Variants in PRKCE observed in about 807,000 individuals in gnomAD.
The protein encoded by PRKCE is protein kinase C epsilon type.
In PRKCE, 16 loss-of-function variants were observed where a neutral mutation model predicts 85.4. The observed-to-expected ratio is 0.19, with a 90% CI of 0.13 to 0.28. The LOEUF is 0.28. Among genes scored for constraint, PRKCE ranks in the 10% least tolerant of loss-of-function variants. The pLI is 1.00. For synonymous variants in PRKCE, 388 were observed against 371.5 expected (o/e 1.04, Z -0.51); for missense variants, 573 against 975.2 (o/e 0.59, Z 5.49).
At chr2:45,677,457 C>A (rs995155827) in intron 1 of PRKCE, among the ~76,000 whole-genome samples, 21 of 151,916 alleles carry the variant, frequency 1.4e-4, no homozygotes, top group Admixed American at 1.3e-3. Context: ...CCCGGGTTCC[C>A]GCCATTCTCC....
At chr2:45,699,888 G>A (rs969851775) in intron 1 of PRKCE, among the ~76,000 whole-genome samples, 1 of 152,096 alleles carries the variant, frequency 6.6e-6, no homozygotes, top group Non-Finnish European at 1.5e-5. Context: ...TGGAGAAATG[G>A]GTGCTCGTTT....
At chr2:45,843,734 A>G (rs1691552115) in intron 2 of PRKCE, among the ~76,000 whole-genome samples, 1 of 152,214 alleles carries the variant, frequency 6.6e-6, no homozygotes, top group Non-Finnish European at 1.5e-5. Flanking sequence ...ACCTTATCCA[A>G]ACAGGAACAA....
chr2:46,019,084 C>G (rs1706416516), intron 10 of PRKCE, among the ~76,000 whole-genome samples: 1 of 152,222 alleles, frequency 6.6e-6, no homozygotes, highest in South Asian at 2.1e-4. Flanking sequence ...ATAATGCAAA[C>G]TAAGACTTAA....
At chr2:45,768,245 G>A (rs1244711472) in intron 1 of PRKCE, among the ~76,000 whole-genome samples, 1 of 152,204 alleles carries the variant, frequency 6.6e-6, no homozygotes, top group East Asian at 1.9e-4. Flanking sequence ...GCCTTGAAAA[G>A]CTGTTACAGT....
intron 1 of PRKCE, among the ~76,000 whole-genome samples, chr2:45,800,593 G>T (rs1023196677): frequency 2.6e-5 from 4 of 152,226 alleles, no homozygotes; most frequent in African/African-American, 9.6e-5. Flanking sequence ...GTAAGTTCTG[G>T]AGAGAAGGAC....
At chr2:46,183,832 A>G (rs1680228942) in intron 14 of PRKCE, among the ~76,000 whole-genome samples, 1 of 152,254 alleles carries the variant, frequency 6.6e-6, no homozygotes, top group African/African-American at 2.4e-5. Flanking sequence ...TGTTCTACAC[A>G]GGACTACTGA....
At position 45,978,756 on chromosome 2, in the gene PRKCE, A is replaced by G. The variant is rs939175804; in HGVS notation, c.573-220A>G. On this transcript the variant is annotated intron_variant, in intron 3 of 14. Transcript: ENST00000306156. Reference sequence around the variant, plus strand: ...TATAGGAAATCAAGCTCTGATGCTGACCAAACCTTGCACCTCCCCAAGCAC... The same window carrying G: ...TATAGGAAATCAAGCTCTGATGCTGGCCAAACCTTGCACCTCCCCAAGCAC... 5 of 529,568 alleles carry G rather than the reference A, an allele frequency of 9.4e-6. No homozygotes were observed. The South Asian group carries it at 1.1e-4, about 12-fold the overall frequency. 32.8% of individuals were successfully genotyped at this position (529,568 alleles called of 1,614,324 possible). A position where few individuals can be genotyped will look rare whatever the true frequency, so the allele number is the denominator to read the frequency against.
intron 1 of PRKCE, among the ~76,000 whole-genome samples, chr2:45,740,050 C>T (rs1328704648): frequency 6.6e-6 from 1 of 151,486 alleles, no homozygotes; most frequent in Admixed American, 6.6e-5. Context: ...GGCATGGTGG[C>T]TTGTGCCTAT....
chr2:45,890,421 C>T (rs935780800), intron 2 of PRKCE, among the ~76,000 whole-genome samples: 6 of 152,002 alleles, frequency 3.9e-5, no homozygotes, highest in African/African-American at 1.4e-4. Context: ...ACTCTGTCTC[C>T]CAGACTGGAT....
chr2:45,885,002 T>TATTTTTTTTTGTTG (rs1553440407), intron 2 of PRKCE, among the ~76,000 whole-genome samples: 2 of 97,642 alleles, frequency 2.0e-5, no homozygotes, highest in Non-Finnish European at 4.2e-5. Flanking sequence ...TATATATATA[T>TATTTTTTTTTGTTG]TTGTTGTTGT....
chr2:46,163,205 A>G (rs1005950214), intron 14 of PRKCE, among the ~76,000 whole-genome samples: 1 of 152,256 alleles, frequency 6.6e-6, no homozygotes, highest in East Asian at 1.9e-4. Flanking sequence ...GGCCACCCAC[A>G]GAGGCCACTG....
intron 2 of PRKCE, among the ~76,000 whole-genome samples, chr2:45,910,040 A>ACCCCCCCCCCCC (rs1373159323): frequency 7.5e-6 from 1 of 134,024 alleles, no homozygotes; most frequent in African/African-American, 2.7e-5. Flanking sequence ...CAGTAAACTC[A>ACCCCCCCCCCCC]CCGCCCCCCC....
chr2:46,067,265 G>T lies in PRKCE; in HGVS notation c.1438-18943G>T, dbSNP rs146584250. 8.0e-3 allele frequency among the ~76,000 whole-genome samples: 1,216 copies of T among 152,268 alleles called. 7 individuals are homozygous for T. The highest frequency in any genetic ancestry group is 8.3e-3 in the South Asian group (40 of 4,818). ...TTTGAACAAGTGCCAAATGAATGAC[G>T]TGCATTATATATACTGAGTCTTCAT... On this transcript the variant is annotated intron_variant, in intron 10 of 14. Transcript: ENST00000306156.
intron 2 of PRKCE, among the ~76,000 whole-genome samples, chr2:45,898,131 A>G (rs1696289606): frequency 6.6e-6 from 1 of 152,196 alleles, no homozygotes; most frequent in Admixed American, 6.5e-5. Context: ...AACAAAAAGC[A>G]AAGATGAAGC....
intron 10 of PRKCE, among the ~76,000 whole-genome samples, chr2:46,018,648 A>G (rs771619997): frequency 1.3e-5 from 2 of 152,262 alleles, no homozygotes; most frequent in Admixed American, 1.3e-4. Flanking sequence ...ACAAAAAAGA[A>G]AATAAGAACA....
At chr2:45,753,404 GAAACT>G (rs1422576977) in intron 1 of PRKCE, among the ~76,000 whole-genome samples, 3 of 152,206 alleles carry the variant, frequency 2.0e-5, no homozygotes, top group African/African-American at 7.2e-5. Flanking sequence ...GTACTAGACT[GAAACT>G]AAACTAAAAC....
chr2:46,116,125 T>C (rs576440387), intron 11 of PRKCE, among the ~76,000 whole-genome samples: 1 of 152,320 alleles, frequency 6.6e-6, no homozygotes, highest in Admixed American at 6.5e-5. Context: ...TTATTAGTCT[T>C]GTCTCCCCAA....
chr2:46,184,811 C>A lies in PRKCE; in HGVS notation c.2144C>A (p.Ala715Glu), dbSNP rs751125974. The A allele has an allele frequency of 6.3e-7, 1 of 1,599,776 alleles. No homozygotes were observed. The highest frequency in any genetic ancestry group is 1.1e-5 in the South Asian group (1 of 91,082). The change falls in exon 15 of 15, where the codon GCA (alanine) becomes GAA (glutamate). Residue 715 changes from alanine (A) to glutamate (E), a missense_variant. Ala to Glu is a moderately radical substitution (Grantham distance 107, BLOSUM62 -1). Around this residue, in one of 11 missense-constraint regions of PRKCE, gnomAD observed 45 missense variants for 39.1 expected, o/e 1.15. Transcript: ENST00000306156. The surrounding 1 kb of genome is among the most constrained non-coding windows in gnomAD (Gnocchi z 5.0). ...CCGGTACTCACCCTTGTGGACGAAGCAATTGTAAAGCAGATCAACCAGGAG... is the reference window on the plus strand; with the variant it reads ...CCGGTACTCACCCTTGTGGACGAAGAAATTGTAAAGCAGATCAACCAGGAG... ...EEPVLTLVDE[A>E]IVKQINQEEF...
intron 10 of PRKCE, among the ~76,000 whole-genome samples, chr2:46,069,673 A>T (rs1398173038): frequency 3.9e-5 from 6 of 152,236 alleles, no homozygotes; most frequent in Non-Finnish European, 7.3e-5. Context: ...CATTCATAGC[A>T]ATAGCATCAC....
Sources: allele counts gnomAD v4.1 joint callset (sites outside exome capture counted in the v4.1 genomes callset), GRCh38; gene constraint gnomAD v4.1.1; regional missense constraint gnomAD v4.1.1; non-coding constraint Gnocchi (gnomAD v3.1); transcripts MANE v1.5; gene names NCBI Gene and HGNC (gene_info 2026-07-23, HGNC 2026-07-21).